PRR16: variants seen among roughly 807,000 people sequenced by gnomAD.
PRR16 encodes the protein protein Largen.
PRR16 carries 6 observed loss-of-function variants against 18.2 expected under a neutral mutation model. That is an observed-to-expected ratio of 0.33 (90% CI 0.18 to 0.65). The LOEUF (loss-of-function observed/expected upper bound fraction) is 0.65. Among genes scored for constraint, PRR16 ranks in the 30% least tolerant of loss-of-function variants. PRR16 has a pLI of 0.74. For synonymous variants in PRR16, 151 were observed against 147.8 expected (o/e 1.02, Z -0.16); for missense variants, 412 against 376.6 (o/e 1.09, Z -0.78).
At chr5:120,546,410 C>T (rs1285113172) in intron 1 of PRR16, among the ~76,000 whole-genome samples, 1 of 152,104 alleles carries the variant, frequency 6.6e-6, no homozygotes. Context: ...AGTACCTCAA[C>T]AGGTCTTCCA....
chr5:120,759,427 A>G, the PRR16 span, among the ~76,000 whole-genome samples: 59,709 of 151,906 alleles, frequency 0.39, 12,063 homozygotes, highest in African/African-American at 0.48. Context: ...TCTAAAAAAG[A>G]CTATATACTA....
intron 1 of PRR16, among the ~76,000 whole-genome samples, chr5:120,561,793 A>G (rs1752583164): frequency 6.6e-6 from 1 of 152,066 alleles, no homozygotes; most frequent in Non-Finnish European, 1.5e-5. Flanking sequence ...TGCTTTGATA[A>G]GGAGAAACCT....
At chr5:120,514,764 A>G (rs1441965402) in intron 1 of PRR16, among the ~76,000 whole-genome samples, 1 of 152,156 alleles carries the variant, frequency 6.6e-6, no homozygotes, top group Non-Finnish European at 1.5e-5. Flanking sequence ...CCAGATTCTG[A>G]TCACAATAAT....
chr5:120,513,884 G>A (rs1229009103), intron 1 of PRR16, among the ~76,000 whole-genome samples: 1 of 151,236 alleles, frequency 6.6e-6, no homozygotes, highest in Non-Finnish European at 1.5e-5. Flanking sequence ...TCAGCCTCCC[G>A]AGTAGCTGGG....
chr5:120,749,688 A>G, the PRR16 span, among the ~76,000 whole-genome samples: 7 of 152,160 alleles, frequency 4.6e-5, no homozygotes, highest in African/African-American at 1.7e-4. Context: ...CTAGTTATTT[A>G]TGTTAAGCTA....
At chr5:120,518,387 T>A (rs984993718) in intron 1 of PRR16, among the ~76,000 whole-genome samples, 1 of 152,036 alleles carries the variant, frequency 6.6e-6, no homozygotes, top group Non-Finnish European at 1.5e-5. Flanking sequence ...GTGGGGTCCT[T>A]GAGAGGGAAT....
At chr5:120,491,189 G>A (rs1750025674) in intron 1 of PRR16, among the ~76,000 whole-genome samples, 1 of 152,014 alleles carries the variant, frequency 6.6e-6, no homozygotes, top group African/African-American at 2.4e-5. Flanking sequence ...TGTCAGACAG[G>A]GACATTTCTA....
chr5:120,610,235 A>G lies in PRR16; in HGVS notation c.160-75719A>G, dbSNP rs116799639. On this transcript the variant is annotated intron_variant, in intron 1 of 1. Coordinates refer to ENST00000407149, the MANE Select transcript of PRR16 (RefSeq NM_001300783.2). ...CTGCCTGAAAATATTCTCTATCAAT[A>G]CTGTACTCTTTCTTTATTTAGACTC... Among the ~76,000 whole-genome samples, 913 of 151,938 alleles carry G rather than the reference A, an allele frequency of 6.0e-3. 4 individuals are homozygous for G. Among genetic ancestry groups the G allele is most frequent in the Admixed American group, 9.6e-3 (147 of 15,266 alleles).
rs75015468 is a variant in PRR16, at chr5:120,513,111, G to A, written c.159+48466G>A. On this transcript the variant is annotated intron_variant, in intron 1 of 1. Coordinates refer to ENST00000407149, the MANE Select transcript of PRR16 (RefSeq NM_001300783.2). ...GGGAGTAATACAGCCAAGTGATGGG[G>A]GTCAGTCAAGCTTTCAGCCGTCTTG... Among the ~76,000 whole-genome samples, 1,485 of 152,188 alleles carry A rather than the reference G, an allele frequency of 9.8e-3. 7 individuals are homozygous for A. The highest frequency in any genetic ancestry group is 0.016 in the Non-Finnish European group (1,111 of 68,014).
intron 1 of PRR16, among the ~76,000 whole-genome samples, chr5:120,487,318 T>G (rs1188400929): frequency 6.6e-6 from 1 of 152,178 alleles, no homozygotes; most frequent in Non-Finnish European, 1.5e-5. Flanking sequence ...CCTGTTTTAT[T>G]TCATTGAGCA....
At chr5:120,470,468 G>A (rs1242080991) in intron 1 of PRR16, among the ~76,000 whole-genome samples, 1 of 152,014 alleles carries the variant, frequency 6.6e-6, no homozygotes, top group Non-Finnish European at 1.5e-5. Context: ...TAACATAGAT[G>A]AAGTTATACA....
chr5:120,553,078 G>C (rs1178146574), intron 1 of PRR16, among the ~76,000 whole-genome samples: 1 of 151,526 alleles, frequency 6.6e-6, no homozygotes. Context: ...TATAATGAAA[G>C]GTATATAAAG....
the PRR16 span, among the ~76,000 whole-genome samples, chr5:120,724,931 A>G: frequency 6.6e-5 from 10 of 152,086 alleles, no homozygotes; most frequent in Non-Finnish European, 1.5e-4. Context: ...AAAAAAATAT[A>G]TATAGTATAA....
the PRR16 span, among the ~76,000 whole-genome samples, chr5:120,704,557 T>G: frequency 6.6e-6 from 1 of 152,196 alleles, no homozygotes; most frequent in Admixed American, 6.5e-5. Flanking sequence ...AAGAGTATTT[T>G]AAAACTCATG....
chr5:120,654,775 TA>T (rs1475644181), intron 1 of PRR16, among the ~76,000 whole-genome samples: 1 of 151,840 alleles, frequency 6.6e-6, no homozygotes, highest in East Asian at 1.9e-4. Flanking sequence ...TGACCATGTT[TA>T]AAACTTCAGT....
the PRR16 span, among the ~76,000 whole-genome samples, chr5:120,791,501 CATA>C: frequency 6.6e-6 from 1 of 151,266 alleles, no homozygotes; most frequent in Non-Finnish European, 1.5e-5. Flanking sequence ...CTGTTTAGAA[CATA>C]ATAATTAGAT....
At chr5:120,786,692 C>G in the PRR16 span, among the ~76,000 whole-genome samples, 1 of 151,484 alleles carries the variant, frequency 6.6e-6, no homozygotes, top group Non-Finnish European at 1.5e-5. Context: ...TGAGACATGT[C>G]TGTTTAGAAA....
chr5:120,793,885 C>A, the PRR16 span, among the ~76,000 whole-genome samples: 1 of 152,070 alleles, frequency 6.6e-6, no homozygotes, highest in African/African-American at 2.4e-5. Flanking sequence ...GTATTGAATA[C>A]TGTAAGCAGT....
intron 1 of PRR16, among the ~76,000 whole-genome samples, chr5:120,585,151 T>C (rs1457855490): frequency 7.9e-5 from 12 of 152,238 alleles, no homozygotes; most frequent in Admixed American, 7.9e-4. Flanking sequence ...GATATGTCAA[T>C]TCCAACTATA....
Sources: allele counts gnomAD v4.1 joint callset (sites outside exome capture counted in the v4.1 genomes callset), GRCh38; gene constraint gnomAD v4.1.1; transcripts MANE v1.5; gene names NCBI Gene and HGNC (gene_info 2026-07-23, HGNC 2026-07-21).